Variants in DOK6 observed in about 807,000 individuals in gnomAD.
The protein encoded by DOK6 is docking protein 6.
DOK6 carries 22 observed loss-of-function variants against 44.0 expected under a neutral mutation model. That is an observed-to-expected ratio of 0.50 (90% CI 0.36 to 0.71). The LOEUF is 0.71. Ranked by LOEUF, DOK6 falls within the 30% of genes least tolerant of loss-of-function variation. The probability of loss-of-function intolerance (pLI) is 0.00; values close to 1 mark genes in which losing one functional copy is unlikely to be tolerated. For synonymous variants in DOK6, 166 were observed against 145.5 expected, an observed-to-expected ratio of 1.14 and a Z score of -1.01; for missense variants, 340 against 416.4, an observed-to-expected ratio of 0.82 and a Z score of 1.60.
chr18:69,580,213 T>A (rs1234225812), intron 2 of DOK6, among the ~76,000 whole-genome samples: 1 of 152,124 alleles, frequency 6.6e-6, no homozygotes, highest in Non-Finnish European at 1.5e-5. Flanking sequence ...TTTCATCTAG[T>A]GGCTGTAGAG....
chr18:69,527,054 G>A (rs1268999909), intron 1 of DOK6, among the ~76,000 whole-genome samples: 1 of 152,094 alleles, frequency 6.6e-6, no homozygotes, highest in Non-Finnish European at 1.5e-5. Flanking sequence ...TTTAATCCCA[G>A]TACACATGTA....
chr18:69,657,555 C>G (rs1478846252), intron 3 of DOK6, among the ~76,000 whole-genome samples: 1 of 152,112 alleles, frequency 6.6e-6, no homozygotes, highest in Non-Finnish European at 1.5e-5. Context: ...TTGATTGATA[C>G]AGAAAAATAT....
intron 1 of DOK6, among the ~76,000 whole-genome samples, chr18:69,519,044 T>C (rs1981616506): frequency 6.6e-6 from 1 of 151,996 alleles, no homozygotes; most frequent in Non-Finnish European, 1.5e-5. Flanking sequence ...ATGAAGAAAA[T>C]TACCAACAGC....
intron 5 of DOK6, among the ~76,000 whole-genome samples, chr18:69,706,775 C>T (rs1271568336): frequency 6.7e-6 from 1 of 148,314 alleles, no homozygotes; most frequent in Non-Finnish European, 1.5e-5. Flanking sequence ...TGAGTGAGAA[C>T]ATGCGGTGTT....
intron 3 of DOK6, among the ~76,000 whole-genome samples, chr18:69,667,346 T>G (rs1985685651): frequency 3.3e-5 from 5 of 152,212 alleles, no homozygotes; most frequent in Admixed American, 3.3e-4. Flanking sequence ...AGTTGTCTAT[T>G]ATTTAACTGT....
chr18:69,775,824 T>C (rs2144770445), intron 7 of DOK6, among the ~76,000 whole-genome samples: 1 of 152,042 alleles, frequency 6.6e-6, no homozygotes, highest in African/African-American at 2.4e-5. Flanking sequence ...TACAGGAATG[T>C]TGAAAGTAAA....
intron 1 of DOK6, among the ~76,000 whole-genome samples, chr18:69,530,167 A>C (rs1052943492): frequency 2.6e-5 from 4 of 152,210 alleles, no homozygotes; most frequent in African/African-American, 9.7e-5. Flanking sequence ...AGATCATACC[A>C]ATAACAAACA....
At chr18:69,508,188 C>T (rs1981249757) in intron 1 of DOK6, among the ~76,000 whole-genome samples, 1 of 152,010 alleles carries the variant, frequency 6.6e-6, no homozygotes, top group Admixed American at 6.6e-5. Flanking sequence ...TTGAACCAGC[C>T]TTGGTTACTG....
At chr18:69,611,050 A>AGGTT (rs1314357471) in intron 3 of DOK6, among the ~76,000 whole-genome samples, 3 of 151,786 alleles carry the variant, frequency 2.0e-5, no homozygotes, top group Non-Finnish European at 4.4e-5. Flanking sequence ...AAGGCAACCA[A>AGGTT]AAAAAGAATT....
intron 6 of DOK6, among the ~76,000 whole-genome samples, chr18:69,739,321 C>G (rs969337174): frequency 1.3e-5 from 2 of 152,214 alleles, no homozygotes; most frequent in Non-Finnish European, 2.9e-5. Flanking sequence ...GCACTTCTGG[C>G]ATCTACCTAT....
chr18:69,835,429 C>T (rs988378776), intron 7 of DOK6, among the ~76,000 whole-genome samples: 54 of 151,950 alleles, frequency 3.6e-4, no homozygotes, highest in African/African-American at 1.3e-3. Flanking sequence ...CGCACCACTG[C>T]ACTCCAGCCT....
intron 1 of DOK6, among the ~76,000 whole-genome samples, chr18:69,455,006 A>T (rs868562570): frequency 1.3e-5 from 2 of 149,548 alleles, no homozygotes; most frequent in African/African-American, 4.9e-5. Flanking sequence ...ACATGTATAC[A>T]TATGTAACTA....
intron 2 of DOK6, among the ~76,000 whole-genome samples, chr18:69,595,851 C>A (rs1271877247): frequency 6.6e-6 from 1 of 152,130 alleles, no homozygotes; most frequent in African/African-American, 2.4e-5. Flanking sequence ...AAAGACCCCT[C>A]ATATATACTA....
At chr18:69,757,335 C>T (rs554751927) in intron 6 of DOK6, among the ~76,000 whole-genome samples, 76 of 152,286 alleles carry the variant, frequency 5.0e-4, no homozygotes, top group Non-Finnish European at 9.1e-4. Context: ...TGGGTCTCTG[C>T]TTCTGAAGCA....
At chr18:69,636,988 C>A (rs2144651095) in intron 3 of DOK6, among the ~76,000 whole-genome samples, 2 of 152,226 alleles carry the variant, frequency 1.3e-5, no homozygotes, top group East Asian at 3.9e-4. Context: ...TACATAGATG[C>A]CTTAAAGGAA....
Position 69,843,877 on chromosome 18 carries a change from C to T in DOK6, c.*2494C>T, listed in dbSNP as rs1042516236. 2 of 152,126 alleles carry T rather than the reference C, an allele frequency of 1.3e-5. No homozygotes were observed. The highest frequency in any genetic ancestry group is 2.9e-5 in the Non-Finnish European group (2 of 68,024). 9.4% of individuals were successfully genotyped at this position (152,126 alleles called of 1,614,324 possible). The stretch of plus-strand genomic sequence containing the variant: ...TTTTGGAGCTTAATTCTAGCATACT[C>T]CTCCAAGTACACTCACAATTGTAGC... On this transcript the variant is annotated 3_prime_UTR_variant, in exon 8 of 8. Transcript: ENST00000382713.
At chr18:69,822,159 A>G (rs1981591751) in intron 7 of DOK6, among the ~76,000 whole-genome samples, 1 of 152,214 alleles carries the variant, frequency 6.6e-6, no homozygotes, top group Non-Finnish European at 1.5e-5. Context: ...GAAACTTAGC[A>G]GAGTCTTACT....
chr18:69,599,626 C>T (rs1297879226), intron 3 of DOK6, 128 bp downstream of exon 3: 2 of 645,016 alleles, frequency 3.1e-6, no homozygotes, highest in Middle Eastern at 2.5e-4. Context: ...TAGAAGACTT[C>T]GTTCAGAAGC....
chr18:69,401,160 G>A lies in DOK6; in HGVS notation c.-85G>A, dbSNP rs574893333. The A allele has an allele frequency of 4.9e-5, 67 of 1,356,040 alleles. No individual in the cohort carries two copies. The Admixed American group carries it at 5.5e-4, about 11-fold the overall frequency. The allele number at this position is 1,356,040 out of a possible 1,614,324, so 84.0% of individuals were successfully genotyped here. Reference sequence around the variant, plus strand: ...CTGCTGGCGGCGGCCGGCTGGATGCGAGACCCGCGCAGACCCGGCGGCGGA... The same window carrying A: ...CTGCTGGCGGCGGCCGGCTGGATGCAAGACCCGCGCAGACCCGGCGGCGGA... On this transcript the variant is annotated 5_prime_UTR_variant, in exon 1 of 8. Coordinates refer to ENST00000382713, the MANE Select transcript of DOK6 (RefSeq NM_152721.6).
Sources: allele counts gnomAD v4.1 joint callset (sites outside exome capture counted in the v4.1 genomes callset), GRCh38; gene constraint gnomAD v4.1.1; transcripts MANE v1.5; gene names NCBI Gene and HGNC (gene_info 2026-07-23, HGNC 2026-07-21).